AKR1B1: variants seen among roughly 807,000 people sequenced by gnomAD.
AKR1B1 encodes the protein aldo-keto reductase family 1 member B.
A neutral mutation model predicts 40.4 loss-of-function variants in AKR1B1; 22 were observed. The observed-to-expected ratio is 0.54, with a 90% CI of 0.39 to 0.78. The LOEUF (loss-of-function observed/expected upper bound fraction) is 0.78, where lower values mean the gene tolerates loss of function less well. Ranked by LOEUF, AKR1B1 falls within the 30% of genes least tolerant of loss-of-function variation. The probability of loss-of-function intolerance (pLI) is 0.00; values close to 1 mark genes in which losing one functional copy is unlikely to be tolerated. For missense variants in AKR1B1, 357 were observed against 396.7 expected, an observed-to-expected ratio of 0.90 and a Z score of 0.85; for synonymous variants, 157 against 149.9, an observed-to-expected ratio of 1.05 and a Z score of -0.35.
At position 134,442,704 on chromosome 7, in the gene AKR1B1, G is replaced by A. The variant is rs760577936; in HGVS notation, c.*24C>T. 2.5e-6 allele frequency: 4 copies of A among 1,612,910 alleles called. No individual in the cohort carries two copies. Among genetic ancestry groups the A allele is most frequent in the Non-Finnish European group, 3.4e-6 (4 of 1,179,092 alleles). On this transcript the variant is annotated 3_prime_UTR_variant, in exon 10 of 10. Transcript: ENST00000285930. ...CAAGAAACACAGGTATAGGTCACTT[G>A]GGGACGAGCAGGCAACCACAGCTTC...
chr7:134,451,036 C>T, intron 2 of AKR1B1, 134 bp from the exon 3 acceptor site: 1 of 751,518 alleles, frequency 1.3e-6, no homozygotes, highest in South Asian at 1.5e-5. Context: ...GAGGGCATTT[C>T]CACTGCGTAC....
intron 1 of AKR1B1, 143 bp downstream of exon 1, chr7:134,458,854 G>T: frequency 1.1e-6 from 1 of 936,998 alleles, no homozygotes; most frequent in South Asian, 1.5e-5. Context: ...GCCCGCTGGG[G>T]ACCCTGCAAG....
chr7:134,443,204 G>A (rs1805992912), intron 9 of AKR1B1, among the ~76,000 whole-genome samples: 1 of 152,192 alleles, frequency 6.6e-6, no homozygotes, highest in South Asian at 2.1e-4. Flanking sequence ...GAGGCTAGGG[G>A]TTTGCGACTA....
intron 1 of AKR1B1, among the ~76,000 whole-genome samples, chr7:134,456,046 A>C (rs918006052): frequency 6.6e-6 from 1 of 152,206 alleles, no homozygotes; most frequent in Non-Finnish European, 1.5e-5. Flanking sequence ...TGAAAGGTAC[A>C]ACACAGCCGC....
At chr7:134,445,153 C>T (rs778130480) in intron 9 of AKR1B1, 85 bp downstream of exon 9, 5 of 1,201,664 alleles carry the variant, frequency 4.2e-6, no homozygotes, top group African/African-American at 1.5e-5. Flanking sequence ...AGCACATTGG[C>T]GCTGAGGCCT....
At chr7:134,446,796 T>C (rs1172141595) in intron 8 of AKR1B1, among the ~76,000 whole-genome samples, 3 of 152,254 alleles carry the variant, frequency 2.0e-5, no homozygotes, top group Non-Finnish European at 4.4e-5. Context: ...CCTGGACTTA[T>C]CAGCACAGCA....
chr7:134,443,017 C>A (rs1321817227), intron 9 of AKR1B1, among the ~76,000 whole-genome samples: 1 of 152,246 alleles, frequency 6.6e-6, no homozygotes, highest in Non-Finnish European at 1.5e-5. Context: ...ATGTGCCCAG[C>A]ACTGTGCCTG....
At chr7:134,446,466 C>A (rs137981081) in intron 8 of AKR1B1, among the ~76,000 whole-genome samples, 1 of 152,324 alleles carries the variant, frequency 6.6e-6, no homozygotes, top group African/African-American at 2.4e-5. Flanking sequence ...GGCTGTGCTG[C>A]GCTCGGCACA....
At chr7:134,450,013 G>A (rs1455245404) in intron 3 of AKR1B1, among the ~76,000 whole-genome samples, 1 of 152,186 alleles carries the variant, frequency 6.6e-6, no homozygotes, top group East Asian at 1.9e-4. Flanking sequence ...GACACTACTT[G>A]GTCACAGAGA....
At chr7:134,452,580 G>A (rs1179785803) in intron 1 of AKR1B1, among the ~76,000 whole-genome samples, 3 of 152,190 alleles carry the variant, frequency 2.0e-5, no homozygotes, top group Non-Finnish European at 4.4e-5. Flanking sequence ...TGCCTACATG[G>A]CATCGCGCTT....
chr7:134,449,808 A>G lies in AKR1B1; in HGVS notation c.352-11T>C, dbSNP rs369507900. ...AAATTCCTTCCCAGGCTGTCATTAC[A>G]ATAAAAAACAAACAAACAAAACAAT... On this transcript the variant is annotated splice_polypyrimidine_tract_variant and intron_variant, in intron 3 of 9. Coordinates refer to ENST00000285930, the MANE Select transcript of AKR1B1 (RefSeq NM_001628.4). The G allele has an allele frequency of 1.2e-4, 200 of 1,611,230 alleles. No homozygotes were observed. Among genetic ancestry groups the G allele is most frequent in the Non-Finnish European group, 1.6e-4 (184 of 1,177,528 alleles).
intron 8 of AKR1B1, among the ~76,000 whole-genome samples, chr7:134,445,566 C>A (rs1221523916): frequency 6.6e-6 from 1 of 152,042 alleles, no homozygotes; most frequent in Non-Finnish European, 1.5e-5. Flanking sequence ...TATTTCATTT[C>A]AAAAAACACT....
At chr7:134,458,570 G>C (rs1168405889) in intron 1 of AKR1B1, among the ~76,000 whole-genome samples, 1 of 152,174 alleles carries the variant, frequency 6.6e-6, no homozygotes, top group Admixed American at 6.5e-5. Context: ...CTGGGTCTGC[G>C]CTCCCACACC....
At chr7:134,452,786 A>T (rs1472203406) in intron 1 of AKR1B1, among the ~76,000 whole-genome samples, 1 of 152,228 alleles carries the variant, frequency 6.6e-6, no homozygotes, top group Admixed American at 6.5e-5. Flanking sequence ...CTGTGTTTTG[A>T]CATCAGCTAT....
rs779240329 is a variant in AKR1B1 at position 134,448,509 on chromosome 7, C to T, written c.553-16G>A. 11 of 1,598,386 alleles carry T rather than the reference C, an allele frequency of 6.9e-6. No individual in the cohort carries two copies. Among genetic ancestry groups the T allele is most frequent in the Middle Eastern group, 1.7e-4 (1 of 6,056 alleles). ...GGCACTCAATCTGCAAATGCAAAAA[C>T]AAGAGCTGATGGGAGCACTGTGGCT... On this transcript the variant is annotated splice_polypyrimidine_tract_variant and intron_variant, in intron 5 of 9. Coordinates refer to ENST00000285930, the MANE Select transcript of AKR1B1 (RefSeq NM_001628.4).
chr7:134,447,984 G>C lies in AKR1B1; in HGVS notation c.737C>G (p.Ala246Gly), dbSNP rs1562906624. The change falls in exon 7 of 10, where the codon GCC (alanine) becomes GGC (glycine). Residue 246 changes from alanine (A) to glycine (G), a missense_variant. Ala to Gly is a moderately conservative substitution (Grantham distance 60). Coordinates refer to ENST00000285930, the MANE Select transcript of AKR1B1 (RefSeq NM_001628.4). ...CAACACCTGAAGTGGCTGTACCTGG[G>C]CTGTAGTTTTATTGTGCTTGGCTGC... is the stretch of plus-strand genomic sequence containing the variant. ...AIAAKHNKTT[A>G]QVLIRFPMQR... is the part of the protein sequence containing the mutation. 6.2e-7 allele frequency: 1 copy of C among 1,612,346 alleles called. No individual in the cohort carries two copies. The highest frequency in any genetic ancestry group is 1.3e-5 in the African/African-American group (1 of 74,962).
In AKR1B1 at chr7:134,453,625, C is replaced by T. The variant is rs554151596; in HGVS notation, c.67-1872G>A. Reference sequence around the variant, plus strand: ...TAGGATAATCAAGCTTGCGTTGGCACGACATGAAAAAAAAGTTGTGAGAGG... The same window carrying T: ...TAGGATAATCAAGCTTGCGTTGGCATGACATGAAAAAAAAGTTGTGAGAGG... On this transcript the variant is annotated intron_variant, in intron 1 of 9. Coordinates refer to ENST00000285930, the MANE Select transcript of AKR1B1 (RefSeq NM_001628.4). 1.2e-3 allele frequency among the ~76,000 whole-genome samples: 178 copies of T among 151,402 alleles called. 1 individual carries two copies. Among genetic ancestry groups the T allele is most frequent in the Non-Finnish European group, 1.9e-3 (131 of 67,880 alleles).
intron 2 of AKR1B1, 129 bp from the exon 3 acceptor site, chr7:134,451,031 C>G: frequency 7.8e-6 from 6 of 770,900 alleles, no homozygotes; most frequent in Non-Finnish European, 1.4e-5. Context: ...GTTGTGAGGG[C>G]ATTTCCACTG....
chr7:134,442,755 C>T lies in AKR1B1; in HGVS notation c.924G>A (p.Lys308=), dbSNP rs780078330. The T allele has an allele frequency of 2.7e-5, 43 of 1,613,924 alleles. No individual in the cohort carries two copies. The highest frequency in any genetic ancestry group is 3.3e-5 in the Non-Finnish European group (39 of 1,179,942). The change falls in exon 10 of 10, where the codon AAG becomes AAA. Residue 308 remains lysine, a synonymous_variant. Transcript: ENST00000285930. ...AAAACTCTTCATGGAAGGGGTAATCCTTGTGGGAGGTACAGCTGTCAGGAG... is the reference window on the plus strand; with the variant it reads ...AAAACTCTTCATGGAAGGGGTAATCTTTGTGGGAGGTACAGCTGTCAGGAG... ...VCALLSCTSH[K]DYPFHEEF is the part of the protein sequence containing the mutation.
Sources: gnomAD v4.1 joint callset for allele counts (sites outside exome capture counted in the v4.1 genomes callset) on GRCh38, gnomAD v4.1.1 for gene constraint, MANE v1.5 for transcripts, NCBI Gene and HGNC (gene_info 2026-07-23, HGNC 2026-07-21) for gene names.